The following PCDH15 variants were observed in gnomAD, a reference collection of about 807,000 sequenced individuals.
PCDH15 encodes the protein protocadherin related 15.
A neutral mutation model predicts 178.5 loss-of-function variants in PCDH15; 129 were observed. That is an observed-to-expected ratio of 0.72 (90% CI 0.63 to 0.84). The LOEUF (loss-of-function observed/expected upper bound fraction) is 0.84, where lower values mean the gene tolerates loss of function less well. PCDH15 is among the 40% of genes least tolerant of loss of function. The pLI, the probability that PCDH15 is intolerant of heterozygous loss-of-function variation, is 0.00. For missense variants in PCDH15, 2,230 were observed against 2,099.9 expected, an observed-to-expected ratio of 1.06 and a Z score of -1.21; for synonymous variants, 800 against 732.0, an observed-to-expected ratio of 1.09 and a Z score of -1.50.
rs1383824632 is a variant in PCDH15 at position 54,944,134 on chromosome 10, C to A, written c.-79-46634G>T. Among the ~76,000 whole-genome samples the A allele has an allele frequency of 2.0e-5, 3 of 151,816 alleles. No homozygotes were observed. In the East Asian group the frequency reaches 5.8e-4, roughly 29 times the overall value. On this transcript the variant is annotated intron_variant, in intron 2 of 5. Transcript: ENST00000458638. ...CATAAGCAAAGTGGGTGGCTGACAACAAAACATTTGAAACTCATTTTTTAG... is the reference window on the plus strand; with the variant it reads ...CATAAGCAAAGTGGGTGGCTGACAAAAAAACATTTGAAACTCATTTTTTAG...
chr10:55,092,624 C>T (rs1229289763), intron 2 of PCDH15, among the ~76,000 whole-genome samples: 1 of 151,832 alleles, frequency 6.6e-6, no homozygotes, highest in East Asian at 1.9e-4. Flanking sequence ...TCAATATGGT[C>T]TTAATTGACT....
chr10:54,918,156 A>C (rs1837391238), intron 2 of PCDH15, among the ~76,000 whole-genome samples: 1 of 152,066 alleles, frequency 6.6e-6, no homozygotes. Context: ...TTATTTTGAG[A>C]AATTATGACC....
chr10:54,249,760 A>G (rs2056309218), intron 8 of PCDH15, among the ~76,000 whole-genome samples: 1 of 151,956 alleles, frequency 6.6e-6, no homozygotes, highest in Non-Finnish European at 1.5e-5. Context: ...TTCAAGTACT[A>G]TGGCTTTTTT....
chr10:54,936,242 C>A (rs889558758), intron 2 of PCDH15, among the ~76,000 whole-genome samples: 2 of 152,098 alleles, frequency 1.3e-5, no homozygotes, highest in East Asian at 3.9e-4. Context: ...TATTAAATTT[C>A]ATTGTGTGGA....
chr10:54,563,608 T>G (rs1405392992), intron 2 of PCDH15, among the ~76,000 whole-genome samples: 1 of 152,104 alleles, frequency 6.6e-6, no homozygotes, highest in Non-Finnish European at 1.5e-5. Context: ...CTATAAATAA[T>G]TGTGTCAAGA....
intron 35 of PCDH15, among the ~76,000 whole-genome samples, chr10:53,812,765 C>T (rs1379890703): frequency 2.0e-5 from 3 of 152,020 alleles, no homozygotes; most frequent in Admixed American, 6.6e-5. Flanking sequence ...AAATTCATTT[C>T]GCAATGGAAT....
chr10:54,523,167 G>T (rs1330500622), intron 3 of PCDH15, among the ~76,000 whole-genome samples: 1 of 152,170 alleles, frequency 6.6e-6, no homozygotes. Flanking sequence ...ACAAAATGGA[G>T]AATCTAGAAA....
intron 6 of PCDH15, among the ~76,000 whole-genome samples, chr10:54,331,568 A>G (rs961827550): frequency 6.6e-6 from 1 of 152,000 alleles, no homozygotes; most frequent in Non-Finnish European, 1.5e-5. Flanking sequence ...TGTGAAAATG[A>G]TTGAATCTAA....
At chr10:54,437,482 C>A (rs1220177590) in intron 3 of PCDH15, among the ~76,000 whole-genome samples, 3 of 152,012 alleles carry the variant, frequency 2.0e-5, no homozygotes, top group Non-Finnish European at 4.4e-5. Flanking sequence ...TTAGTAGTAG[C>A]AGTATTGGTA....
intron 2 of PCDH15, among the ~76,000 whole-genome samples, chr10:55,537,285 TAATC>T (rs1479447048): frequency 1.3e-5 from 2 of 152,180 alleles, no homozygotes; most frequent in Non-Finnish European, 2.9e-5. Context: ...ATTTTATAGT[TAATC>T]AAATTCTGTG....
At chr10:54,689,322 CTT>C (rs1311351606) in intron 1 of PCDH15, among the ~76,000 whole-genome samples, 1 of 152,192 alleles carries the variant, frequency 6.6e-6, no homozygotes, top group East Asian at 1.9e-4. Context: ...ACAAAGCACT[CTT>C]TTTTGGATAT....
At position 53,809,378 on chromosome 10, in the gene PCDH15, C is replaced by A. The variant is rs894428647; in HGVS notation, c.4671+1178G>T. 5.6e-6 allele frequency: 9 copies of A among 1,613,866 alleles called. No individual in the cohort carries two copies. The Admixed American group carries it at 8.3e-5, about 15-fold the overall frequency. On this transcript the variant is annotated intron_variant, in intron 37 of 37. Coordinates refer to ENST00000644397, the MANE Select transcript of PCDH15 (RefSeq NM_001384140.1). ...TCAAGGTCAACGATTCCTCTTTTAT[C>A]AGCTAATCCTCTAACTTTCTTAAAA...
intron 3 of PCDH15, among the ~76,000 whole-genome samples, chr10:54,483,738 C>A (rs751348966): frequency 4.6e-5 from 7 of 151,672 alleles, no homozygotes; most frequent in Non-Finnish European, 8.8e-5. Context: ...TTGAAAGGTA[C>A]CCTTTTAGTT....
chr10:54,606,822 G>C, intron 2 of PCDH15: 1 of 152,036 alleles, frequency 6.6e-6, no homozygotes, highest in Non-Finnish European at 1.5e-5. Flanking sequence ...CAAACTTAAG[G>C]CCAAGTCACA....
intron 2 of PCDH15, among the ~76,000 whole-genome samples, chr10:55,415,892 AAAGTTTGT>A (rs1838468991): frequency 6.6e-6 from 1 of 151,746 alleles, no homozygotes; most frequent in African/African-American, 2.4e-5. Context: ...TGTTCCATGA[AAAGTTTGT>A]CTTAGCAATA....
Position 54,596,856 on chromosome 10 carries a change from G to A in PCDH15, c.91+67316C>T, listed in dbSNP as rs559242294. Reference sequence around the variant, plus strand: ...TAAAAATAAGAAATGGCAAAGAAGGGCATTATATAATAGAAAAGGGTTCAA... The same window carrying A: ...TAAAAATAAGAAATGGCAAAGAAGGACATTATATAATAGAAAAGGGTTCAA... On this transcript the variant is annotated intron_variant, in intron 2 of 37. Coordinates refer to ENST00000644397, the MANE Select transcript of PCDH15 (RefSeq NM_001384140.1). 4.6e-5 allele frequency among the ~76,000 whole-genome samples: 7 copies of A among 152,090 alleles called. No individual in the cohort carries two copies. The South Asian group carries it at 1.2e-3, about 27-fold the overall frequency.
At chr10:55,322,862 T>G (rs183480792), upstream of PCDH15, among the ~76,000 whole-genome samples, 2 of 152,004 alleles carry the variant, frequency 1.3e-5, no homozygotes, top group Admixed American at 1.3e-4. Context: ...AGCATTCAAA[T>G]GTTAATCACC....
intron 1 of PCDH15, among the ~76,000 whole-genome samples, chr10:55,283,638 A>C (rs917794984): frequency 1.1e-4 from 17 of 150,856 alleles, no homozygotes; most frequent in African/African-American, 4.1e-4. Flanking sequence ...TCCAGTCACT[A>C]TTAAGTACTT....
chr10:54,895,081 A>G (rs1780700717), intron 3 of PCDH15, among the ~76,000 whole-genome samples: 1 of 152,192 alleles, frequency 6.6e-6, no homozygotes, highest in Admixed American at 6.6e-5. Context: ...TAAATATGGG[A>G]CACACATAAA....
Sources: gnomAD v4.1 joint callset for allele counts (sites outside exome capture counted in the v4.1 genomes callset) on GRCh38, gnomAD v4.1.1 for gene constraint, MANE v1.5 for transcripts, NCBI Gene and HGNC (gene_info 2026-07-23, HGNC 2026-07-21) for gene names.